The following PANX1 variants were observed in gnomAD, a reference collection of about 807,000 sequenced individuals.
PANX1 encodes pannexin-1.
In PANX1, 30 loss-of-function variants were observed where a neutral mutation model predicts 38.7. That is an observed-to-expected ratio of 0.78 (90% CI 0.58 to 1.05). The LOEUF (loss-of-function observed/expected upper bound fraction) is 1.05, where lower values mean the gene tolerates loss of function less well. PANX1 is among the 50% of genes least tolerant of loss of function. PANX1 has a pLI of 0.00. For missense variants in PANX1, 551 were observed against 517.2 expected (o/e 1.07, Z -0.63); for synonymous variants, 230 against 212.2 (o/e 1.08, Z -0.73).
At chr11:94,154,677 A>G (rs1236362967) in intron 2 of PANX1, among the ~76,000 whole-genome samples, 1 of 152,172 alleles carries the variant, frequency 6.6e-6, no homozygotes, top group Admixed American at 6.5e-5. Flanking sequence ...CCCTTGAACA[A>G]TGTGGGGGTC....
intron 1 of PANX1, among the ~76,000 whole-genome samples, chr11:94,147,594 T>C (rs1333655723): frequency 3.9e-5 from 6 of 152,132 alleles, no homozygotes; most frequent in Non-Finnish European, 7.4e-5. Context: ...CCAGCCTCCT[T>C]CTCGTTTCTG....
intron 2 of PANX1, among the ~76,000 whole-genome samples, chr11:94,176,293 A>G (rs771036257): frequency 2.0e-5 from 3 of 151,584 alleles, no homozygotes; most frequent in African/African-American, 4.9e-5. Context: ...GTGAACCTAT[A>G]TATATATTAT....
chr11:94,130,956 C>G (rs1946623071), intron 1 of PANX1, among the ~76,000 whole-genome samples: 1 of 152,238 alleles, frequency 6.6e-6, no homozygotes, highest in Admixed American at 6.5e-5. Context: ...TTTTCCTGCT[C>G]TTTGCGCAGG....
intron 1 of PANX1, 21 bp from the exon 2 acceptor site, chr11:94,153,470 A>T (rs2134494181): frequency 6.2e-7 from 1 of 1,612,322 alleles, no homozygotes; most frequent in Non-Finnish European, 8.5e-7. Context: ...TTCATTGGAA[A>T]CTATCTGTTT....
rs926705075 is a variant in PANX1 at position 94,180,072 on chromosome 11, T to A, written c.1016T>A (p.Ile339Lys). Residue 339 changes from isoleucine to lysine, a missense_variant, in exon 4 of 5, where the codon ATA becomes AAA. Ile to Lys is a moderately radical substitution (Grantham distance 102, BLOSUM62 -3). Coordinates refer to ENST00000227638, the MANE Select transcript of PANX1 (RefSeq NM_015368.4). ...SLYNLFLEEN[I>K]SEVKSYKCLK... Reference sequence around the variant, plus strand: ...TACAATCTCTTCTTGGAGGAAAATATAAGTGAGGTCAAGTCATACAAGTGT... The same window carrying A: ...TACAATCTCTTCTTGGAGGAAAATAAAAGTGAGGTCAAGTCATACAAGTGT... 3.1e-6 allele frequency: 5 copies of A among 1,613,532 alleles called. No individual in the cohort carries two copies. The highest frequency in any genetic ancestry group is 4.2e-6 in the Non-Finnish European group (5 of 1,179,704).
chr11:94,129,073 G>A lies in PANX1; in HGVS notation c.-240G>A. 1 of 402,852 alleles carries A rather than the reference G, an allele frequency of 2.5e-6. No homozygotes were observed. The highest frequency in any genetic ancestry group is 2.3e-5 in the African/African-American group (1 of 42,938). 25.0% of individuals were successfully genotyped at this position (402,852 alleles called of 1,614,324 possible). A position where few individuals can be genotyped will look rare whatever the true frequency, so the allele number is the denominator to read the frequency against. ...GGCGTGCGGGGTGGAACCGCAGGAA[G>A]CGGAGCTCTCGGGTTCCCGCCCCGC... On this transcript the variant is annotated 5_prime_UTR_variant, in exon 1 of 5. Coordinates refer to ENST00000227638, the MANE Select transcript of PANX1 (RefSeq NM_015368.4).
chr11:94,172,077 T>G, intron 2 of PANX1, among the ~76,000 whole-genome samples: 1 of 151,660 alleles, frequency 6.6e-6, no homozygotes. Flanking sequence ...TTCTCTTAAG[T>G]AGACTCATAG....
intron 2 of PANX1, among the ~76,000 whole-genome samples, chr11:94,156,954 A>G (rs1946956499): frequency 6.6e-6 from 1 of 151,828 alleles, no homozygotes; most frequent in African/African-American, 2.4e-5. Flanking sequence ...TCAATTCCCA[A>G]CTATGAGCAA....
intron 1 of PANX1, among the ~76,000 whole-genome samples, chr11:94,148,473 G>T (rs945786806): frequency 5.3e-5 from 8 of 152,210 alleles, no homozygotes; most frequent in Non-Finnish European, 8.8e-5. Context: ...CTGAGTGCTT[G>T]TTGGTGTTCT....
rs1472201292 is a variant in PANX1, at chr11:94,129,024, G to A, written c.-289G>A. 1 of 259,350 alleles carries A rather than the reference G, an allele frequency of 3.9e-6. No individual in the cohort carries two copies. The highest frequency in any genetic ancestry group is 7.3e-6 in the Non-Finnish European group (1 of 137,590). The allele number at this position is 259,350 out of a possible 1,614,324, so 16.1% of individuals were successfully genotyped here. ...CGGGAGAGGCGCGAATCCGAGTGCC[G>A]CGCGCGGCCCGGGGACTTGCACGGG... On this transcript the variant is annotated 5_prime_UTR_variant, in exon 1 of 5. Coordinates refer to ENST00000227638, the MANE Select transcript of PANX1 (RefSeq NM_015368.4).
chr11:94,144,783 G>A (rs1416543778), intron 1 of PANX1, among the ~76,000 whole-genome samples: 1 of 152,136 alleles, frequency 6.6e-6, no homozygotes, highest in East Asian at 1.9e-4. Context: ...TGGGGAAAGA[G>A]TATGACCACA....
At chr11:94,150,283 C>T (rs1261934855) in intron 1 of PANX1, among the ~76,000 whole-genome samples, 1 of 152,096 alleles carries the variant, frequency 6.6e-6, no homozygotes, top group African/African-American at 2.4e-5. Flanking sequence ...GTAACCCAGG[C>T]AGTAGGGAAC....
At chr11:94,160,269 T>TC (rs1354925157) in intron 2 of PANX1, among the ~76,000 whole-genome samples, 1 of 152,198 alleles carries the variant, frequency 6.6e-6, no homozygotes, top group Non-Finnish European at 1.5e-5. Flanking sequence ...TGAGTTCAAT[T>TC]CCTGGATATC....
chr11:94,166,915 G>C (rs1225832590), intron 2 of PANX1, among the ~76,000 whole-genome samples: 1 of 152,176 alleles, frequency 6.6e-6, no homozygotes, highest in Non-Finnish European at 1.5e-5. Context: ...TCTAAGACCA[G>C]TGCAGCACCA....
intron 2 of PANX1, among the ~76,000 whole-genome samples, chr11:94,167,462 T>G (rs1947115682): frequency 6.6e-6 from 1 of 152,212 alleles, no homozygotes; most frequent in Non-Finnish European, 1.5e-5. Flanking sequence ...TCTTATGTAC[T>G]GTCAAATTCT....
At chr11:94,176,789 G>A (rs1217107046) in intron 2 of PANX1, among the ~76,000 whole-genome samples, 2 of 151,792 alleles carry the variant, frequency 1.3e-5, no homozygotes, top group African/African-American at 4.9e-5. Flanking sequence ...ATTGGAAAAA[G>A]ATGTCTCTGG....
intron 1 of PANX1, among the ~76,000 whole-genome samples, chr11:94,140,715 TTTAC>T (rs1946752509): frequency 1.3e-5 from 2 of 152,224 alleles, no homozygotes; most frequent in African/African-American, 4.8e-5. Context: ...TTAGGACCCC[TTTAC>T]ACCCTTAAAA....
intron 2 of PANX1, among the ~76,000 whole-genome samples, chr11:94,156,952 C>G (rs1946956421): frequency 6.6e-6 from 1 of 151,962 alleles, no homozygotes; most frequent in Non-Finnish European, 1.5e-5. Context: ...GTTCAATTCC[C>G]AACTATGAGC....
chr11:94,129,476 C>T lies in PANX1; in HGVS notation c.164C>T (p.Ala55Val). 6.2e-7 allele frequency: 1 copy of T among 1,611,500 alleles called. No individual in the cohort carries two copies. The highest frequency in any genetic ancestry group is 8.5e-7 in the Non-Finnish European group (1 of 1,178,298). Reference protein sequence around the residue: ...LPLLLISLAFAQEISIGTQIS... With the variant: ...LPLLLISLAFVQEISIGTQIS... ...CTGCTGCTCATCTCGCTGGCCTTCG[C>T]GCAGGAGATCTCGATTGGTAAGCCT... is the stretch of plus-strand genomic sequence containing the variant. The change falls in exon 1 of 5, where the codon GCG (alanine) becomes GTG (valine). Residue 55 changes from alanine (A) to valine (V), a missense_variant. By Grantham distance (64) the Ala-to-Val change is moderately conservative (BLOSUM62 0). Coordinates refer to ENST00000227638, the MANE Select transcript of PANX1 (RefSeq NM_015368.4).
Sources: gnomAD v4.1 joint callset for allele counts (sites outside exome capture counted in the v4.1 genomes callset) on GRCh38, gnomAD v4.1.1 for gene constraint, MANE v1.5 for transcripts, NCBI Gene and HGNC (gene_info 2026-07-23, HGNC 2026-07-21) for gene names.